Variants in TMTC2 observed in about 807,000 individuals in gnomAD.
The protein encoded by TMTC2 is transmembrane O-mannosyltransferase targeting cadherins 2, also known as protein O-mannosyl-transferase TMTC2.
TMTC2 carries 43 observed loss-of-function variants against 82.4 expected under a neutral mutation model. The ratio of observed to expected loss-of-function variants is 0.52; its 90% CI spans 0.41 to 0.67. The LOEUF is 0.67. Ranked by LOEUF, TMTC2 falls within the 30% of genes least tolerant of loss-of-function variation. The pLI is 0.00. For missense variants in TMTC2, 919 were observed against 1,012.4 expected (o/e 0.91, Z 1.25); for synonymous variants, 408 against 381.9 (o/e 1.07, Z -0.80).
intron 2 of TMTC2, among the ~76,000 whole-genome samples, chr12:82,858,193 T>C (rs1871354603): frequency 6.6e-6 from 1 of 152,234 alleles, no homozygotes; most frequent in Non-Finnish European, 1.5e-5. Context: ...ATATTTGTTC[T>C]CCCGTATTCC....
chr12:82,719,677 T>TTG (rs1422281708), intron 1 of TMTC2, among the ~76,000 whole-genome samples: 1 of 150,236 alleles, frequency 6.7e-6, no homozygotes, highest in Non-Finnish European at 1.5e-5. Flanking sequence ...CTGTCTTTTT[T>TTG]TTTTTTTTTT....
At chr12:83,080,030 G>A (rs750120897) in intron 11 of TMTC2, among the ~76,000 whole-genome samples, 30 of 152,088 alleles carry the variant, frequency 2.0e-4, no homozygotes, top group Admixed American at 4.6e-4. Context: ...AAACATGTGC[G>A]TGTGCTTAGT....
At chr12:82,879,515 G>A (rs1202238693) in intron 2 of TMTC2, among the ~76,000 whole-genome samples, 6 of 152,156 alleles carry the variant, frequency 3.9e-5, no homozygotes, top group Non-Finnish European at 1.5e-5. Context: ...CCTGCTCACC[G>A]CTCACCTCCT....
chr12:82,972,925 G>A lies in TMTC2; in HGVS notation c.1948+5928G>A, dbSNP rs184378313. Among the ~76,000 whole-genome samples the A allele has an allele frequency of 2.9e-3, 436 of 152,084 alleles. 2 individuals carry two copies. Among genetic ancestry groups the A allele is most frequent in the Non-Finnish European group, 5.4e-3 (367 of 67,958 alleles). On this transcript the variant is annotated intron_variant, in intron 7 of 11. Coordinates refer to ENST00000321196, the MANE Select transcript of TMTC2 (RefSeq NM_152588.3). ...ATGTGTGTTTACCTCACCTTGTTTC[G>A]GAATATATTTAAAGTGGGGATATTC...
At chr12:83,122,249 C>T (rs1222785479) in intron 11 of TMTC2, among the ~76,000 whole-genome samples, 2 of 151,788 alleles carry the variant, frequency 1.3e-5, no homozygotes, top group East Asian at 1.9e-4. Context: ...ACCCACCTCC[C>T]AGCTATGAAA....
chr12:83,020,044 C>T (rs1035458910), intron 8 of TMTC2, among the ~76,000 whole-genome samples: 1 of 152,204 alleles, frequency 6.6e-6, no homozygotes, highest in Non-Finnish European at 1.5e-5. Flanking sequence ...GTTTCTGCTT[C>T]AATTAGCTAA....
intron 8 of TMTC2, 112 bp downstream of exon 8, chr12:82,986,158 A>G (rs1879146701): frequency 4.2e-6 from 6 of 1,417,246 alleles, no homozygotes; most frequent in South Asian, 2.4e-5. Context: ...TAGGGATGCA[A>G]TGGTGGTGAT....
chr12:82,805,437 T>C (rs1879194700), intron 1 of TMTC2, among the ~76,000 whole-genome samples: 1 of 151,756 alleles, frequency 6.6e-6, no homozygotes, highest in Admixed American at 6.6e-5. Context: ...GGAAAGTCTT[T>C]GAAGAGGAAC....
chr12:82,862,385 T>G (rs1461512980), intron 2 of TMTC2, among the ~76,000 whole-genome samples: 1 of 152,226 alleles, frequency 6.6e-6, no homozygotes, highest in East Asian at 1.9e-4. Flanking sequence ...TTCCCCTTTA[T>G]TAGCCTCATA....
In TMTC2 at chr12:82,988,182, A is replaced by G. The variant is rs553114282; in HGVS notation, c.2070+2136A>G. ...CTATACAGGAACAATAGGAATGGGA[A>G]GAGAGATTTCAGTGGATAAGAGATA... is the stretch of plus-strand genomic sequence containing the variant. On this transcript the variant is annotated intron_variant, in intron 8 of 11. Coordinates refer to ENST00000321196, the MANE Select transcript of TMTC2 (RefSeq NM_152588.3). Among the ~76,000 whole-genome samples, 10 of 152,334 alleles carry G rather than the reference A, an allele frequency of 6.6e-5. No homozygotes were observed. In the South Asian group the frequency reaches 1.2e-3, roughly 19 times the overall value.
chr12:83,087,480 A>T (rs959552354), intron 11 of TMTC2, among the ~76,000 whole-genome samples: 3 of 152,242 alleles, frequency 2.0e-5, no homozygotes, highest in African/African-American at 7.2e-5. Flanking sequence ...CTTTGCCCAG[A>T]TCCATCAGAG....
rs1885366220 is a variant in TMTC2 at position 83,134,302 on chromosome 12, A to C, written c.*1913A>C. 6.7e-6 allele frequency: 1 copy of C among 150,278 alleles called. No homozygotes were observed. Among genetic ancestry groups the C allele is most frequent in the Non-Finnish European group, 1.5e-5 (1 of 67,570 alleles). The allele number at this position is 150,278 out of a possible 1,614,324, so 9.3% of individuals were successfully genotyped here. ...GCATTGGCAATTGCAAAAAAAAAAA[A>C]GGAATTTAATATAAGGCTATAGAGA... On this transcript the variant is annotated 3_prime_UTR_variant, in exon 12 of 12. Coordinates refer to ENST00000321196, the MANE Select transcript of TMTC2 (RefSeq NM_152588.3).
chr12:82,973,520 G>A (rs528059019), intron 7 of TMTC2, among the ~76,000 whole-genome samples: 37 of 152,132 alleles, frequency 2.4e-4, no homozygotes, highest in African/African-American at 8.7e-4. Flanking sequence ...AAATTTATGA[G>A]CAAAAAACTA....
intron 8 of TMTC2, among the ~76,000 whole-genome samples, chr12:83,006,224 C>A (rs1242571112): frequency 6.6e-6 from 1 of 152,102 alleles, no homozygotes; most frequent in Non-Finnish European, 1.5e-5. Context: ...AGTTTCCTCT[C>A]TCTTTAGCCT....
intron 8 of TMTC2, among the ~76,000 whole-genome samples, chr12:82,995,594 A>G (rs1393632141): frequency 6.6e-6 from 1 of 152,198 alleles, no homozygotes; most frequent in Non-Finnish European, 1.5e-5. Context: ...CTTGCTTCAA[A>G]CACAGTTAAT....
At position 83,044,320 on chromosome 12, in the gene TMTC2, A is replaced by G. The variant is rs182481971; in HGVS notation, c.2153-6584A>G. Among the ~76,000 whole-genome samples, 918 of 152,268 alleles carry G rather than the reference A, an allele frequency of 6.0e-3. 9 individuals carry two copies. Among genetic ancestry groups the G allele is most frequent in the Middle Eastern group, 0.027 (8 of 292 alleles). ...CCACTGGGATATCTGGGGAAAGAAC[A>G]TTGCAGGTAGAGGAAATAGTGAGTG... On this transcript the variant is annotated intron_variant, in intron 9 of 11. Transcript: ENST00000321196.
At chr12:82,690,991 G>T (rs190983296) in intron 1 of TMTC2, among the ~76,000 whole-genome samples, 2 of 152,054 alleles carry the variant, frequency 1.3e-5, no homozygotes, top group African/African-American at 4.8e-5. Flanking sequence ...CACCATGAGA[G>T]GAGTCAGTTT....
At position 82,847,741 on chromosome 12, in the gene TMTC2, A is replaced by G. The variant is rs146633398; in HGVS notation, c.84-9269A>G. On this transcript the variant is annotated intron_variant, in intron 1 of 11. Transcript: ENST00000321196. ...GTTCTTACTCATAGGTGGGAATTGAACAATGAGATCACTTGGACACAGGGC... is the reference window on the plus strand; with the variant it reads ...GTTCTTACTCATAGGTGGGAATTGAGCAATGAGATCACTTGGACACAGGGC... 5.8e-4 allele frequency among the ~76,000 whole-genome samples: 88 copies of G among 152,076 alleles called. 5 individuals carry two copies. The highest frequency in any genetic ancestry group is 2.0e-3 in the African/African-American group (84 of 41,392).
At chr12:82,761,031 G>A (rs952544627) in intron 1 of TMTC2, 2 of 155,168 alleles carry the variant, frequency 1.3e-5, no homozygotes, top group African/African-American at 4.8e-5. Flanking sequence ...AAACCATCCC[G>A]TGCTCCCAAG....
Sources: gnomAD v4.1 joint callset for allele counts (sites outside exome capture counted in the v4.1 genomes callset) on GRCh38, gnomAD v4.1.1 for gene constraint, MANE v1.5 for transcripts, NCBI Gene and HGNC (gene_info 2026-07-23, HGNC 2026-07-21) for gene names.